The following C10orf90 variants were observed in gnomAD, a reference collection of about 807,000 sequenced individuals.
The protein encoded by C10orf90 is chromosome 10 open reading frame 90.
Under a neutral mutation model 62.5 loss-of-function variants are expected in C10orf90, and 56 were observed. The observed-to-expected ratio is 0.90, with a 90% CI of 0.72 to 1.12. C10orf90 has a LOEUF of 1.12. Ranked by LOEUF, C10orf90 falls within the 50% of genes most tolerant of loss-of-function variation. C10orf90 has a pLI of 0.00. For synonymous variants in C10orf90, 386 were observed against 340.4 expected (o/e 1.13, Z -1.47); for missense variants, 970 against 880.4 (o/e 1.10, Z -1.29).
At chr10:126,571,175 C>A (rs1354813205) in intron 2 of C10orf90, among the ~76,000 whole-genome samples, 1 of 152,250 alleles carries the variant, frequency 6.6e-6, no homozygotes, top group East Asian at 1.9e-4. Context: ...ATGCACCCAG[C>A]TCCTGACCCA....
intron 2 of C10orf90, among the ~76,000 whole-genome samples, chr10:126,578,015 A>T (rs1844662179): frequency 3.3e-5 from 5 of 152,208 alleles, no homozygotes; most frequent in Admixed American, 3.3e-4. Context: ...GTAAAAGGTA[A>T]CAATCAGTAA....
At chr10:126,488,041 C>T (rs565886638) in intron 4 of C10orf90, among the ~76,000 whole-genome samples, 3 of 151,804 alleles carry the variant, frequency 2.0e-5, no homozygotes, top group Non-Finnish European at 2.9e-5. Context: ...TCCCAACTAT[C>T]ACAGACAAAA....
intron 6 of C10orf90, among the ~76,000 whole-genome samples, chr10:126,460,735 A>T (rs115847173): frequency 0.016 from 2,445 of 152,208 alleles, 76 homozygotes; most frequent in African/African-American, 0.056. Context: ...CCCTGGGTAC[A>T]GGAGCCAGCC....
intron 7 of C10orf90, among the ~76,000 whole-genome samples, chr10:126,439,415 A>T (rs1858154979): frequency 6.6e-6 from 1 of 152,340 alleles, no homozygotes; most frequent in South Asian, 2.1e-4. Context: ...AAAAACAACA[A>T]GAAGGAAGCA....
intron 2 of C10orf90, among the ~76,000 whole-genome samples, chr10:126,583,913 T>C (rs985216629): frequency 3.9e-5 from 6 of 152,078 alleles, no homozygotes; most frequent in Admixed American, 3.3e-4. Context: ...CCCAGGAGTC[T>C]GAGACTAGCC....
intron 2 of C10orf90, among the ~76,000 whole-genome samples, chr10:126,644,792 A>G (rs1846133842): frequency 6.6e-6 from 1 of 152,178 alleles, no homozygotes; most frequent in Non-Finnish European, 1.5e-5. Flanking sequence ...GCCACCTCTG[A>G]GTGCTCTGAG....
At chr10:126,665,663 G>C (rs1288607291) in intron 1 of C10orf90, among the ~76,000 whole-genome samples, 1 of 152,288 alleles carries the variant, frequency 6.6e-6, no homozygotes, top group East Asian at 1.9e-4. Context: ...CTGAGAGGAG[G>C]AAAACAAGAG....
At chr10:126,585,672 A>G (rs1844856475) in intron 2 of C10orf90, among the ~76,000 whole-genome samples, 1 of 152,184 alleles carries the variant, frequency 6.6e-6, no homozygotes, top group Admixed American at 6.5e-5. Context: ...TCAAGAGTAA[A>G]GAATAGAGAG....
At chr10:126,641,003 T>C (rs944500681) in intron 2 of C10orf90, among the ~76,000 whole-genome samples, 1 of 152,174 alleles carries the variant, frequency 6.6e-6, no homozygotes, top group Non-Finnish European at 1.5e-5. Context: ...TGAAACGGTT[T>C]CTGTAACAAA....
intron 1 of C10orf90, among the ~76,000 whole-genome samples, chr10:126,664,952 A>T (rs1256161494): frequency 1.3e-5 from 2 of 152,188 alleles, no homozygotes; most frequent in African/African-American, 4.8e-5. Flanking sequence ...CAGCCATTTC[A>T]TTTCCCTCTT....
Position 126,614,671 on chromosome 10 carries a change from C to T in C10orf90, c.313+31894G>A, listed in dbSNP as rs151113661. 1.1e-4 allele frequency among the ~76,000 whole-genome samples: 16 copies of T among 152,184 alleles called. 1 individual carries two copies. The highest frequency in any genetic ancestry group is 7.8e-4 in the East Asian group (4 of 5,154). On this transcript the variant is annotated intron_variant, in intron 2 of 9. Transcript: ENST00000488181. ...TGCTATGCTTAGCTCAGCCTTTCAA[C>T]GCTAGGGAAGGTTCATCAAACTCGA...
intron 2 of C10orf90, among the ~76,000 whole-genome samples, chr10:126,576,855 T>C (rs2134010740): frequency 6.7e-6 from 1 of 149,632 alleles, no homozygotes; most frequent in East Asian, 2.0e-4. Flanking sequence ...GCAACACAGA[T>C]GGAACTGAAG....
At chr10:126,647,053 G>A (rs1846186189) in intron 1 of C10orf90, among the ~76,000 whole-genome samples, 1 of 152,128 alleles carries the variant, frequency 6.6e-6, no homozygotes, top group Non-Finnish European at 1.5e-5. Flanking sequence ...TCAATTTCAG[G>A]CGTTTAGGAC....
chr10:126,640,389 A>C (rs926272638), intron 2 of C10orf90, among the ~76,000 whole-genome samples: 1 of 152,256 alleles, frequency 6.6e-6, no homozygotes, highest in Admixed American at 6.5e-5. Flanking sequence ...CTGGGAGGAT[A>C]AAGTGAGAGC....
At chr10:126,619,253 G>A (rs1174084813) in intron 2 of C10orf90, among the ~76,000 whole-genome samples, 1 of 152,088 alleles carries the variant, frequency 6.6e-6, no homozygotes, top group African/African-American at 2.4e-5. Context: ...AACTGTCATG[G>A]ATAGTCTTAT....
At chr10:126,461,878 C>T in intron 5 of C10orf90, among the ~76,000 whole-genome samples, 1 of 152,156 alleles carries the variant, frequency 6.6e-6, no homozygotes, top group South Asian at 2.1e-4. Context: ...AGAAACTTTT[C>T]TATTCAGTGC....
chr10:126,547,235 C>T (rs11815319), intron 2 of C10orf90, among the ~76,000 whole-genome samples: 5,263 of 151,844 alleles, frequency 0.035, 176 homozygotes, highest in African/African-American at 0.086. Flanking sequence ...CTGGCTAACG[C>T]GGTGAAACCC....
At chr10:126,608,597 C>CGTAT (rs1845366008) in intron 2 of C10orf90, among the ~76,000 whole-genome samples, 1 of 152,202 alleles carries the variant, frequency 6.6e-6, no homozygotes, top group South Asian at 2.1e-4. Context: ...TTTCCAGCTA[C>CGTAT]ATACCTGAGT....
chr10:126,623,126 G>A (rs977414389), intron 2 of C10orf90, among the ~76,000 whole-genome samples: 4 of 152,166 alleles, frequency 2.6e-5, no homozygotes, highest in African/African-American at 9.6e-5. Context: ...GCATGTCATT[G>A]CAGACTTCAG....
Sources: gnomAD v4.1 joint callset for allele counts (sites outside exome capture counted in the v4.1 genomes callset) on GRCh38, gnomAD v4.1.1 for gene constraint, MANE v1.5 for transcripts, NCBI Gene and HGNC (gene_info 2026-07-23, HGNC 2026-07-21) for gene names.